HHAT: variants seen among roughly 807,000 people sequenced by gnomAD.
The protein encoded by HHAT is protein-cysteine N-palmitoyltransferase HHAT.
In HHAT, 47 loss-of-function variants were observed where a neutral mutation model predicts 70.8. That is an observed-to-expected ratio of 0.66 (90% CI 0.53 to 0.85). HHAT has a LOEUF of 0.85. HHAT is among the 40% of genes least tolerant of loss of function. The pLI is 0.00. For synonymous variants in HHAT, 228 were observed against 247.6 expected (o/e 0.92, Z 0.74); for missense variants, 609 against 604.8 (o/e 1.01, Z -0.07).
chr1:210,615,883 C>G (rs901762763), intron 10 of HHAT, among the ~76,000 whole-genome samples: 2 of 152,288 alleles, frequency 1.3e-5, no homozygotes, highest in African/African-American at 2.4e-5. Context: ...ACTCGGGGGT[C>G]AGGGACCCAC....
chr1:210,588,186 C>T, intron 10 of HHAT, 87 bp downstream of exon 10: 1 of 1,132,178 alleles, frequency 8.8e-7, no homozygotes, highest in South Asian at 1.5e-5. Context: ...GATTCCCTGC[C>T]CCCACTATGG....
At chr1:210,488,158 C>T (rs895083219) in intron 8 of HHAT, among the ~76,000 whole-genome samples, 19 of 152,218 alleles carry the variant, frequency 1.2e-4, no homozygotes, top group African/African-American at 4.6e-4. Flanking sequence ...ATTTGATGCA[C>T]AGCACAGCAA....
chr1:210,445,785 G>T (rs895986010), intron 7 of HHAT, among the ~76,000 whole-genome samples: 2 of 152,064 alleles, frequency 1.3e-5, no homozygotes, highest in African/African-American at 4.8e-5. Context: ...CCTGCCACCT[G>T]CCCCACCCTT....
At chr1:210,367,913 AC>A (rs1379551739) in intron 3 of HHAT, among the ~76,000 whole-genome samples, 93 of 66,376 alleles carry the variant, frequency 1.4e-3, no homozygotes, top group Middle Eastern at 9.6e-3. Context: ...CCCCTCCCCC[AC>A]CCCCCACCCC....
At chr1:210,338,181 AT>A (rs566056207) in intron 1 of HHAT, among the ~76,000 whole-genome samples, 39 of 99,462 alleles carry the variant, frequency 3.9e-4, no homozygotes, top group Admixed American at 1.1e-3. Context: ...ACCCGCCCCC[AT>A]TTAAAAAAAA....
intron 3 of HHAT, among the ~76,000 whole-genome samples, chr1:210,384,587 A>C (rs917539738): frequency 2.0e-5 from 3 of 152,112 alleles, no homozygotes; most frequent in Admixed American, 6.5e-5. Context: ...GATGTGGGTG[A>C]CTTCTCCTTG....
At chr1:210,371,650 T>C (rs1275311228) in intron 3 of HHAT, among the ~76,000 whole-genome samples, 1 of 152,028 alleles carries the variant, frequency 6.6e-6, no homozygotes, top group Non-Finnish European at 1.5e-5. Flanking sequence ...TCTGCTCCCA[T>C]CAGATGGAGG....
chr1:210,472,828 T>C (rs1332893049), intron 8 of HHAT, among the ~76,000 whole-genome samples: 1 of 152,080 alleles, frequency 6.6e-6, no homozygotes, highest in East Asian at 1.9e-4. Flanking sequence ...CAACTTGAAG[T>C]GGGGGCTTAC....
chr1:210,492,340 C>T (rs1012923078), intron 8 of HHAT, among the ~76,000 whole-genome samples: 1 of 152,158 alleles, frequency 6.6e-6, no homozygotes, highest in East Asian at 1.9e-4. Context: ...AGTAAACATT[C>T]CCTCACTCCC....
At chr1:210,514,180 A>C (rs1445636376) in intron 9 of HHAT, among the ~76,000 whole-genome samples, 1 of 152,182 alleles carries the variant, frequency 6.6e-6, no homozygotes, top group African/African-American at 2.4e-5. Context: ...TGATGTTCCG[A>C]GTGAGGCCAT....
chr1:210,514,318 A>G (rs189911320), intron 9 of HHAT, among the ~76,000 whole-genome samples: 7 of 152,298 alleles, frequency 4.6e-5, no homozygotes, highest in African/African-American at 1.7e-4. Context: ...AGACACAGAT[A>G]GTAGTGTGTG....
intron 9 of HHAT, among the ~76,000 whole-genome samples, chr1:210,564,325 G>C (rs991313885): frequency 2.6e-4 from 39 of 152,116 alleles, no homozygotes; most frequent in Non-Finnish European, 4.4e-5. Flanking sequence ...TTAAGAGACA[G>C]AACCATGAGT....
rs73065505 is a variant in HHAT, at chr1:210,639,608, T to C, written c.1390+15938T>C. ...TTGGGGTTTGTTGTTTGCTATGACA[T>C]CTCAGTGTTAAATGTGCATGACACT... On this transcript the variant is annotated intron_variant, in intron 11 of 11. Transcript: ENST00000261458. Among the ~76,000 whole-genome samples the C allele has an allele frequency of 6.1e-3, 933 of 152,336 alleles. 7 individuals carry two copies. The highest frequency in any genetic ancestry group is 0.021 in the African/African-American group (884 of 41,572).
intron 11 of HHAT, among the ~76,000 whole-genome samples, chr1:210,668,025 A>C (rs1004614603): frequency 3.4e-4 from 51 of 152,222 alleles, no homozygotes; most frequent in African/African-American, 1.2e-3. Context: ...TGTGTCTGTG[A>C]ATTTGATTAC....
rs552717284 is a variant in HHAT, at chr1:210,358,974, T to A, written c.92-3878T>A. Among the ~76,000 whole-genome samples, 256 of 152,290 alleles carry A rather than the reference T, an allele frequency of 1.7e-3. 5 individuals are homozygous for A. The highest frequency in any genetic ancestry group is 2.8e-3 in the Non-Finnish European group (189 of 68,028). On this transcript the variant is annotated intron_variant, in intron 2 of 11. Transcript: ENST00000261458. ...GATGGAGCTTTGATGTATCCTTTTG[T>A]GGAAGGGAAGAATCAACAGCTGACA...
intron 1 of HHAT, among the ~76,000 whole-genome samples, chr1:210,341,217 T>C (rs190743446): frequency 1.0e-3 from 155 of 152,326 alleles, no homozygotes; most frequent in African/African-American, 3.4e-3. Context: ...AGCTTAATGA[T>C]GAGAGCTGTC....
At chr1:210,569,554 G>A (rs1430578957) in intron 9 of HHAT, among the ~76,000 whole-genome samples, 1 of 151,670 alleles carries the variant, frequency 6.6e-6, no homozygotes, top group Non-Finnish European at 1.5e-5. Flanking sequence ...CAACTTTTAG[G>A]ATTTTTTTCC....
intron 2 of HHAT, among the ~76,000 whole-genome samples, chr1:210,354,020 C>T (rs2087334439): frequency 6.6e-6 from 1 of 152,022 alleles, no homozygotes. Context: ...TTTTCAGGTG[C>T]TTAATAGATG....
rs545999759 is a variant in HHAT at position 210,480,413 on chromosome 1, C to T, written c.1007+15758C>T. ...GGATATAAGTAACTCCCACATGCTTCGTGTTCCAGTAATGGAACACTAGCC... is the reference window on the plus strand; with the variant it reads ...GGATATAAGTAACTCCCACATGCTTTGTGTTCCAGTAATGGAACACTAGCC... On this transcript the variant is annotated intron_variant, in intron 8 of 11. Coordinates refer to ENST00000261458, the MANE Select transcript of HHAT (RefSeq NM_018194.6). Among the ~76,000 whole-genome samples the T allele has an allele frequency of 3.2e-4, 49 of 152,298 alleles. 1 individual carries two copies. Among genetic ancestry groups the T allele is most frequent in the African/African-American group, 1.1e-3 (46 of 41,556 alleles).
Sources: allele counts gnomAD v4.1 joint callset (sites outside exome capture counted in the v4.1 genomes callset), GRCh38; gene constraint gnomAD v4.1.1; transcripts MANE v1.5; gene names NCBI Gene and HGNC (gene_info 2026-07-23, HGNC 2026-07-21).